ZFHX2: variants seen among roughly 807,000 people sequenced by gnomAD.
ZFHX2 encodes zinc finger homeobox 2, also known as zinc finger homeobox protein 2.
ZFHX2 carries 75 observed loss-of-function variants against 164.8 expected under a neutral mutation model. The observed-to-expected ratio is 0.46, with a 90% confidence interval of 0.38 to 0.55. The LOEUF (loss-of-function observed/expected upper bound fraction) is 0.55, where lower values mean the gene tolerates loss of function less well. Ranked by LOEUF, ZFHX2 falls within the 20% of genes least tolerant of loss-of-function variation. ZFHX2 has a pLI of 0.00. For missense variants in ZFHX2, 2,933 were observed against 3,308.0 expected, an observed-to-expected ratio of 0.89 and a Z score of 2.78; for synonymous variants, 1,217 against 1,351.4, an observed-to-expected ratio of 0.90 and a Z score of 2.18.
Position 23,523,981 on chromosome 14 carries a change from G to A in ZFHX2, c.5961C>T (p.Ala1987=). ...PQPFLPPGKE[A]TTPTPEPPLP... is the part of the protein sequence containing the mutation. Reference sequence around the variant, plus strand: ...GAGGTGGCTCTGGTGTTGGGGTGGTGGCCTCTTTCCCAGGTGGTAGGAAAG... The same window carrying A: ...GAGGTGGCTCTGGTGTTGGGGTGGTAGCCTCTTTCCCAGGTGGTAGGAAAG... Residue 1987 remains alanine (A), a synonymous_variant, in exon 9 of 10, where the codon GCC becomes GCT. Transcript: ENST00000419474. This position sits in a 1 kb window ranked among gnomAD's most constrained non-coding sequence, Gnocchi z 4.1. The A allele has an allele frequency of 6.5e-7, 1 of 1,528,080 alleles. No individual in the cohort carries two copies. Among genetic ancestry groups the A allele is most frequent in the South Asian group, 1.2e-5 (1 of 83,258 alleles). 94.7% of individuals were successfully genotyped at this position (1,528,080 alleles called of 1,614,324 possible).
At chr14:23,528,741 C>T (rs989778577) in intron 6 of ZFHX2, 3 of 985,324 alleles carry the variant, frequency 3.0e-6, no homozygotes, top group African/African-American at 1.7e-5. Context: ...CCACAGCTCC[C>T]CCAGTGGCCC....
At chr14:23,537,534 G>T (rs1176427228) in intron 1 of ZFHX2, among the ~76,000 whole-genome samples, 1 of 152,116 alleles carries the variant, frequency 6.6e-6, no homozygotes, top group African/African-American at 2.4e-5. Flanking sequence ...CCCTCCTCCT[G>T]GGGTTCTAGC....
Position 23,535,263 on chromosome 14 carries a change from C to A in ZFHX2, c.63G>T (p.Pro21=), listed in dbSNP as rs151230070. 2.0e-6 allele frequency: 3 copies of A among 1,501,844 alleles called. No individual in the cohort carries two copies. The highest frequency in any genetic ancestry group is 2.7e-6 in the Non-Finnish European group (3 of 1,125,084). The allele number at this position is 1,501,844 out of a possible 1,614,324, so 93.0% of individuals were successfully genotyped here. A position where few individuals can be genotyped will look rare whatever the true frequency, so the allele number is the denominator to read the frequency against. ...AGGAGAAGGTGTCCGAAGGCAGGGA[C>A]GGGGCATTGTGCCCAGGGGAGGGGG... The part of the protein sequence containing the change: ...GTTPSPGHNA[P]SLPSDTFSSS... Residue 21 remains proline, a synonymous_variant, in exon 2 of 10, where the codon CCG becomes CCT. Transcript: ENST00000419474. This position sits in a 1 kb window ranked among gnomAD's most constrained non-coding sequence, Gnocchi z 4.5.
chr14:23,527,867 G>T, intron 6 of ZFHX2, 63 bp from the exon 7 acceptor site: 20 of 1,144,536 alleles, frequency 1.7e-5, no homozygotes, highest in Non-Finnish European at 2.4e-5. Context: ...CCATCACATA[G>T]TCCTTTGGAT....
chr14:23,532,692 G>T lies in ZFHX2; in HGVS notation c.2434C>A (p.Pro812Thr). ...TGTAGTGGGGAGACAGACCCATAAG[G>T]AGCCCCATCTCCCAGGGATGCTGGG... ...PSPASLGDGAPYGSVSPLHLR... is the reference protein window; with the variant it reads ...PSPASLGDGATYGSVSPLHLR... The change falls in exon 3 of 10, where the codon CCT becomes ACT. Residue 812 changes from proline to threonine, a missense_variant. Pro to Thr is a conservative substitution (Grantham distance 38). Transcript: ENST00000419474. The T allele has an allele frequency of 6.5e-7, 1 of 1,530,054 alleles. No homozygotes were observed. Among genetic ancestry groups the T allele is most frequent in the Non-Finnish European group, 8.7e-7 (1 of 1,143,482 alleles). 94.8% of individuals were successfully genotyped at this position (1,530,054 alleles called of 1,614,324 possible).
chr14:23,541,230 G>A (rs1880775320), intron 1 of ZFHX2, among the ~76,000 whole-genome samples: 1 of 151,120 alleles, frequency 6.6e-6, no homozygotes, highest in Non-Finnish European at 1.5e-5. Context: ...TCTTGACCAA[G>A]ACTCATCCTC....
intron 6 of ZFHX2, chr14:23,528,878 G>A: frequency 4.1e-6 from 4 of 972,606 alleles, no homozygotes; most frequent in Non-Finnish European, 3.7e-6. Context: ...TGGCACCAGT[G>A]GCACAGGCCT....
At position 23,540,743 on chromosome 14, in the gene ZFHX2, T is replaced by C. The variant is rs138625623; in HGVS notation, c.-49-5369A>G. Among the ~76,000 whole-genome samples the C allele has an allele frequency of 4.1e-4, 62 of 152,324 alleles. No homozygotes were observed. The East Asian group carries it at 4.2e-3, about 10-fold the overall frequency. On this transcript the variant is annotated intron_variant, in intron 1 of 9. Transcript: ENST00000419474. ...AAAATGGGAATAATGATATTTTCCT[T>C]ACTCAGTTGTGAAGACCAGATAGGT...
rs1566568665 is a variant in ZFHX2 at position 23,522,476 on chromosome 14, T to A, written c.7205A>T (p.Gln2402Leu). The A allele has an allele frequency of 6.5e-7, 1 of 1,535,298 alleles. No individual in the cohort carries two copies. The highest frequency in any genetic ancestry group is 2.4e-5 in the East Asian group (1 of 40,904). ...GGGCTCAGGGGGCTGGGGTGGCGGC[T>A]GGAGGAGGGCATTGGGGAGCAGCCC... ...LIGLLPNALL[Q>L]PPPQPPEPTA... The change falls in exon 10 of 10, where the codon CAG becomes CTG. Residue 2402 changes from glutamine (Q) to leucine (L), a missense_variant. Transcript: ENST00000419474.
chr14:23,531,766 C>T (rs1461137167), intron 3 of ZFHX2, 45 bp from the exon 4 acceptor site: 2 of 1,287,086 alleles, frequency 1.6e-6, no homozygotes, highest in East Asian at 3.0e-5. Flanking sequence ...AAGGGACATG[C>T]CAGACCTCAG....
chr14:23,522,764 C>A lies in ZFHX2; in HGVS notation c.6917G>T (p.Gly2306Val). The A allele has an allele frequency of 6.5e-7, 1 of 1,536,418 alleles. No individual in the cohort carries two copies. Residue 2306 changes from glycine to valine, a missense_variant, in exon 10 of 10, where the codon GGG (glycine) becomes GTG (valine). Physicochemically the swap from Gly to Val is moderately radical, Grantham distance 109. Transcript: ENST00000419474. ...CTTTCGCTCACTGGAGACCTTGTCC[C>A]CCAAGGGCTCAGTAGGAGGGCCTGG... ...PVPGPPTEPLGDKVSSERKPV... is the reference protein window; with the variant it reads ...PVPGPPTEPLVDKVSSERKPV...
rs533609935 is a variant in ZFHX2, at chr14:23,542,473, G to A, written c.-49-7099C>T. On this transcript the variant is annotated intron_variant, in intron 1 of 9. Transcript: ENST00000419474. ...GGCATCTCCCTTGATGACTTGGAAAGTGTTGGATGTGTTAGGACAGCAGTG... is the reference window on the plus strand; with the variant it reads ...GGCATCTCCCTTGATGACTTGGAAAATGTTGGATGTGTTAGGACAGCAGTG... Among the ~76,000 whole-genome samples, 6 of 152,320 alleles carry A rather than the reference G, an allele frequency of 3.9e-5. No homozygotes were observed. The South Asian group carries it at 1.2e-3, about 32-fold the overall frequency.
chr14:23,550,530 T>A (rs1363329683), intron 1 of ZFHX2, among the ~76,000 whole-genome samples: 1 of 151,642 alleles, frequency 6.6e-6, no homozygotes, highest in Admixed American at 6.6e-5. Context: ...CAGAGATGGA[T>A]GGGATGGAAG....
Position 23,525,314 on chromosome 14 carries a change from G to A in ZFHX2, c.4628C>T (p.Ser1543Leu). 6.5e-7 allele frequency: 1 copy of A among 1,536,094 alleles called. No individual in the cohort carries two copies. Among genetic ancestry groups the A allele is most frequent in the Non-Finnish European group, 8.7e-7 (1 of 1,146,898 alleles). Residue 1543 changes from serine (S) to leucine (L), a missense_variant, in exon 9 of 10, where the codon TCA becomes TTA. Coordinates refer to ENST00000419474, the MANE Select transcript of ZFHX2 (RefSeq NM_033400.3). This position sits in a 1 kb window ranked among gnomAD's most constrained non-coding sequence, Gnocchi z 5.9. ...PPKPPDGSLD[S>L]PVPHLGPPFL... ...GGGTGGGCCCAGATGGGGAACAGGTGAATCCAGAGACCCATCAGGAGGTTT... is the reference window on the plus strand; with the variant it reads ...GGGTGGGCCCAGATGGGGAACAGGTAAATCCAGAGACCCATCAGGAGGTTT...
rs916472307 is a variant in ZFHX2, at chr14:23,523,939, G to A, written c.6003C>T (p.Pro2001=). 13 of 1,536,004 alleles carry A rather than the reference G, an allele frequency of 8.5e-6. No individual in the cohort carries two copies. The highest frequency in any genetic ancestry group is 1.2e-5 in the South Asian group (1 of 84,050). The change falls in exon 9 of 10, where the codon CCC becomes CCT. Residue 2001 remains proline, a synonymous_variant. Coordinates refer to ENST00000419474, the MANE Select transcript of ZFHX2 (RefSeq NM_033400.3). This position sits in a 1 kb window ranked among gnomAD's most constrained non-coding sequence, Gnocchi z 4.1. ...TPEPPLPLLP[P]PPPSEEEGPE... ...GGCCCTCTTCCTCACTGGGTGGAGG[G>A]GGAGGTAGGAGAGGTAGAGGTGGCT...
chr14:23,548,511 G>A (rs1039443636), intron 1 of ZFHX2: 11 of 152,218 alleles, frequency 7.2e-5, no homozygotes, highest in Admixed American at 7.2e-4. Context: ...ACCCTGTCAG[G>A]TTGCCAAGGC....
At position 23,533,536 on chromosome 14, in the gene ZFHX2, A is replaced by T; in HGVS notation, c.1790T>A (p.Val597Asp). 1 of 1,536,122 alleles carries T rather than the reference A, an allele frequency of 6.5e-7. No individual in the cohort carries two copies. The highest frequency in any genetic ancestry group is 8.7e-7 in the Non-Finnish European group (1 of 1,146,916). Reference sequence around the variant, plus strand: ...CGGCAGCCCCTGGTGCAGCATTAGGACATTCTGCATGTGCTTCTCAGAGGT... The same window carrying T: ...CGGCAGCCCCTGGTGCAGCATTAGGTCATTCTGCATGTGCTTCTCAGAGGT... ...HMTSEKHMQN[V>D]LMLHQGLPLG... Residue 597 changes from valine (V) to aspartate (D), a missense_variant, in exon 2 of 10, where the codon GTC becomes GAC. Coordinates refer to ENST00000419474, the MANE Select transcript of ZFHX2 (RefSeq NM_033400.3). This position sits in a 1 kb window ranked among gnomAD's most constrained non-coding sequence, Gnocchi z 4.8.
At position 23,527,674 on chromosome 14, in the gene ZFHX2, G is replaced by A. The variant is rs1366404256; in HGVS notation, c.3065C>T (p.Pro1022Leu). ...PLCQEQLVGR[P>L]ALHFHLSHLH... ...GTGGCTAAGGTGGAAGTGCAGGGCA[G>A]GCCGGCCCACCAGCTGTTCCTGGCA... The change falls in exon 7 of 10, where the codon CCT becomes CTT. Residue 1022 changes from proline to leucine, a missense_variant. Coordinates refer to ENST00000419474, the MANE Select transcript of ZFHX2 (RefSeq NM_033400.3). The A allele has an allele frequency of 3.9e-6, 6 of 1,536,210 alleles. No homozygotes were observed. The East Asian group carries it at 1.2e-4, about 31-fold the overall frequency.
In ZFHX2 at chr14:23,522,465, G is replaced by A; in HGVS notation, c.7216C>T (p.Gln2406Ter). 6.5e-7 allele frequency: 1 copy of A among 1,535,992 alleles called. No individual in the cohort carries two copies. The highest frequency in any genetic ancestry group is 8.7e-7 in the Non-Finnish European group (1 of 1,146,640). The change falls in exon 10 of 10, where the codon CAG (glutamine) becomes TAG (stop). Residue 2406 changes from glutamine (Q) to a stop codon, truncating the protein, a stop_gained. Coordinates refer to ENST00000419474, the MANE Select transcript of ZFHX2 (RefSeq NM_033400.3). LOFTEE classifies it high-confidence loss of function. ...LPNALLQPPP[Q>*]PPEPTATAPP... ...GCTGTGGCTGTGGGCTCAGGGGGCT[G>A]GGGTGGCGGCTGGAGGAGGGCATTG...
Sources: allele counts gnomAD v4.1 joint callset (sites outside exome capture counted in the v4.1 genomes callset), GRCh38; gene constraint gnomAD v4.1.1; non-coding constraint Gnocchi (gnomAD v3.1); transcripts MANE v1.5; gene names NCBI Gene and HGNC (gene_info 2026-07-23, HGNC 2026-07-21).